The following LRRC4C variants were observed in gnomAD, a reference collection of about 807,000 sequenced individuals.
The protein encoded by LRRC4C is leucine rich repeat containing 4C.
Under a neutral mutation model 33.6 loss-of-function variants are expected in LRRC4C, and 5 were observed. That is an observed-to-expected ratio of 0.15 (90% CI 0.08 to 0.31). LRRC4C has a LOEUF of 0.31. Ranked by LOEUF, LRRC4C falls within the 10% of genes least tolerant of loss-of-function variation. The pLI is 1.00. For missense variants in LRRC4C, 560 were observed against 796.7 expected, an observed-to-expected ratio of 0.70 and a Z score of 3.58; for synonymous variants, 329 against 302.0, an observed-to-expected ratio of 1.09 and a Z score of -0.93.
chr11:40,413,208 G>T (rs927953162), intron 3 of LRRC4C, among the ~76,000 whole-genome samples: 10 of 152,074 alleles, frequency 6.6e-5, no homozygotes, highest in Non-Finnish European at 1.3e-4. Context: ...GAAGGTGATT[G>T]GTTTTTTTCA....
At chr11:41,227,904 C>A (rs1260062657) in intron 1 of LRRC4C, among the ~76,000 whole-genome samples, 1 of 151,950 alleles carries the variant, frequency 6.6e-6, no homozygotes, top group African/African-American at 2.4e-5. Flanking sequence ...ATTTTCTTTT[C>A]TGTTTGTGGA....
At chr11:40,915,842 A>G (rs1161031151) in intron 2 of LRRC4C, among the ~76,000 whole-genome samples, 1 of 152,022 alleles carries the variant, frequency 6.6e-6, no homozygotes, top group African/African-American at 2.4e-5. Context: ...ACTCAAACAA[A>G]TTTACAAGAA....
chr11:40,538,266 A>G (rs2135366081), intron 3 of LRRC4C, among the ~76,000 whole-genome samples: 1 of 152,050 alleles, frequency 6.6e-6, no homozygotes, highest in Admixed American at 6.6e-5. Flanking sequence ...TTATCCTCCT[A>G]ATGCTATCCC....
intron 1 of LRRC4C, among the ~76,000 whole-genome samples, chr11:41,444,456 A>C (rs1955753988): frequency 6.6e-6 from 1 of 152,226 alleles, no homozygotes. Context: ...GTGAGCATCC[A>C]TGGATTTTTG....
intron 1 of LRRC4C, among the ~76,000 whole-genome samples, chr11:40,966,216 T>A (rs1851352887): frequency 6.6e-6 from 1 of 151,998 alleles, no homozygotes; most frequent in Non-Finnish European, 1.5e-5. Context: ...GTGCAACATG[T>A]CATGAAAGAA....
intron 5 of LRRC4C, among the ~76,000 whole-genome samples, chr11:40,181,452 C>CCT (rs796302348): frequency 2.4e-4 from 36 of 152,286 alleles, no homozygotes; most frequent in African/African-American, 7.9e-4. Context: ...TCTGGACTCA[C>CCT]CTCTACCCCT....
intron 1 of LRRC4C, among the ~76,000 whole-genome samples, chr11:41,370,199 G>T (rs979596828): frequency 2.6e-5 from 4 of 151,628 alleles, no homozygotes; most frequent in African/African-American, 9.7e-5. Context: ...TTTATTTTTT[G>T]GGATAGGGTC....
chr11:41,434,413 C>A (rs972315181), intron 1 of LRRC4C, among the ~76,000 whole-genome samples: 1 of 152,052 alleles, frequency 6.6e-6, no homozygotes, highest in African/African-American at 2.4e-5. Flanking sequence ...CAACCTCAGA[C>A]TTTGATGATG....
At chr11:41,234,796 T>C (rs1199893118) in intron 1 of LRRC4C, among the ~76,000 whole-genome samples, 2 of 151,978 alleles carry the variant, frequency 1.3e-5, no homozygotes, top group Non-Finnish European at 1.5e-5. Flanking sequence ...AATGAGAAAA[T>C]TGAAGTTCTG....
At chr11:40,900,954 TTG>T (rs1229294548) in intron 2 of LRRC4C, among the ~76,000 whole-genome samples, 20 of 152,096 alleles carry the variant, frequency 1.3e-4, no homozygotes, top group African/African-American at 4.6e-4. Context: ...TTTAAAAATT[TTG>T]TGTGTTTGGG....
intron 2 of LRRC4C, among the ~76,000 whole-genome samples, chr11:40,892,154 A>G (rs987286958): frequency 7.0e-6 from 1 of 143,622 alleles, no homozygotes; most frequent in Non-Finnish European, 1.5e-5. Context: ...AAAAAAAAAT[A>G]GAAAAAGAAA....
chr11:41,132,568 A>G (rs911162683), intron 1 of LRRC4C, among the ~76,000 whole-genome samples: 5 of 152,126 alleles, frequency 3.3e-5, no homozygotes, highest in Non-Finnish European at 5.9e-5. Flanking sequence ...AACTAAAACT[A>G]TGGTTTAAGC....
intron 1 of LRRC4C, among the ~76,000 whole-genome samples, chr11:41,007,264 G>A (rs1339111240): frequency 6.6e-6 from 1 of 151,902 alleles, no homozygotes; most frequent in Non-Finnish European, 1.5e-5. Context: ...TAAACAGGCA[G>A]TTTAATTTAC....
intron 3 of LRRC4C, among the ~76,000 whole-genome samples, chr11:40,537,047 AGT>A (rs1956503110): frequency 6.6e-6 from 1 of 152,188 alleles, no homozygotes. Context: ...GTTTAATGTG[AGT>A]GAACCCTGTC....
intron 5 of LRRC4C, among the ~76,000 whole-genome samples, chr11:40,213,707 G>A (rs1863774453): frequency 6.6e-6 from 1 of 152,138 alleles, no homozygotes; most frequent in South Asian, 2.1e-4. Context: ...AGAGAGCTCA[G>A]ACAGATTTCA....
At position 40,115,664 on chromosome 11, in the gene LRRC4C, C is replaced by A. The variant is rs367953879; in HGVS notation, c.629G>T (p.Arg210Leu). Reference sequence around the variant, plus strand: ...GAGCGGTGTGAGGTTAGGGATTTCCCGAAGGTTGCACATGGCAAGGTTCAA... The same window carrying A: ...GAGCGGTGTGAGGTTAGGGATTTCCAGAAGGTTGCACATGGCAAGGTTCAA... The part of the protein sequence containing the change: ...RYLNLAMCNL[R>L]EIPNLTPLIK... Residue 210 changes from arginine to leucine, a missense_variant, in exon 7 of 7, where the codon CGG (arginine) becomes CTG (leucine). This residue lies in a region of LRRC4C where 455 missense variants were observed against 643.8 expected (regional missense o/e 0.71). Transcript: ENST00000528697. This position sits in a 1 kb window ranked among gnomAD's most constrained non-coding sequence, Gnocchi z 6.7. The A allele has an allele frequency of 1.9e-6, 3 of 1,613,986 alleles. No homozygotes were observed. The African/African-American group carries it at 4.0e-5, about 22-fold the overall frequency.
At chr11:40,495,297 C>T (rs10837425) in intron 3 of LRRC4C, among the ~76,000 whole-genome samples, 12 of 151,790 alleles carry the variant, frequency 7.9e-5, no homozygotes, top group African/African-American at 1.2e-4. Flanking sequence ...CTCCGCCCCC[C>T]CCGCCAGAAA....
intron 1 of LRRC4C, among the ~76,000 whole-genome samples, chr11:41,202,842 G>A (rs989085931): frequency 3.3e-5 from 5 of 151,180 alleles, no homozygotes; most frequent in Admixed American, 6.6e-5. Flanking sequence ...CTAGAGTGCA[G>A]TGGCATGATC....
intron 1 of LRRC4C, among the ~76,000 whole-genome samples, chr11:41,418,552 A>G (rs562236756): frequency 1.6e-4 from 25 of 152,172 alleles, no homozygotes; most frequent in Non-Finnish European, 3.2e-4. Context: ...AAAAATGGAA[A>G]GGCAGATAAC....
Sources: gnomAD v4.1 joint callset for allele counts (sites outside exome capture counted in the v4.1 genomes callset) on GRCh38, gnomAD v4.1.1 for gene constraint, gnomAD v4.1.1 regional missense constraint, Gnocchi (gnomAD v3.1) non-coding constraint, MANE v1.5 for transcripts, NCBI Gene and HGNC (gene_info 2026-07-23, HGNC 2026-07-21) for gene names.